Variants in MGST1 observed in about 807,000 individuals in gnomAD.
The protein encoded by MGST1 is glutathione S-transferase 12.
A neutral mutation model predicts 8.9 loss-of-function variants in MGST1; 5 were observed. The ratio of observed to expected loss-of-function variants is 0.56; its 90% CI spans 0.29 to 1.19. MGST1 has a LOEUF of 1.19. Among genes scored for constraint, MGST1 ranks in the 50% most tolerant of loss-of-function variants. The pLI is 0.08. For synonymous variants in MGST1, 54 were observed against 67.8 expected (o/e 0.80, Z 1.00); for missense variants, 182 against 187.4 (o/e 0.97, Z 0.17).
downstream of MGST1, among the ~76,000 whole-genome samples, chr12:16,442,768 G>A (rs893640036): frequency 2.0e-5 from 3 of 151,616 alleles, no homozygotes; most frequent in Non-Finnish European, 4.4e-5. The surrounding 1 kb of genome is among the most constrained non-coding windows in gnomAD (Gnocchi z 4.5). Context: ...TGCTGTGTTG[G>A]CTATTATGGG....
chr12:16,438,570 T>C (rs1016499289), exon 2 of MGST1: 1 of 151,926 alleles, frequency 6.6e-6, no homozygotes, highest in Non-Finnish European at 1.5e-5. Flanking sequence ...TGATGGTTGC[T>C]CATAGAAGGA....
intron 4 of MGST1, among the ~76,000 whole-genome samples, chr12:16,472,293 T>G (rs986832365): frequency 6.6e-6 from 1 of 152,186 alleles, no homozygotes; most frequent in African/African-American, 2.4e-5. Context: ...TAAATTACTG[T>G]CAAATTACAA....
intron 4 of MGST1, among the ~76,000 whole-genome samples, chr12:16,446,244 C>G (rs1428845680): frequency 1.3e-5 from 2 of 151,820 alleles, no homozygotes; most frequent in African/African-American, 4.8e-5. Context: ...TAGAATTATC[C>G]AAACAAATAG....
chr12:16,538,284 A>C (rs1005302416), intron 4 of MGST1, among the ~76,000 whole-genome samples: 7 of 152,070 alleles, frequency 4.6e-5, no homozygotes, highest in African/African-American at 1.7e-4. Flanking sequence ...CCTGGCCCTT[A>C]TTGTTCAAAT....
At chr12:16,353,046 G>C (rs768497418) in intron 1 of MGST1, among the ~76,000 whole-genome samples, 40 of 150,236 alleles carry the variant, frequency 2.7e-4, no homozygotes, top group Admixed American at 1.7e-3. Flanking sequence ...TTTTTTTTTG[G>C]AGGGGGAGAC....
At chr12:16,473,533 A>AT (rs138768692) in intron 4 of MGST1, among the ~76,000 whole-genome samples, 3,301 of 152,234 alleles carry the variant, frequency 0.022, 125 homozygotes, top group African/African-American at 0.075. Context: ...TCTAATAGCC[A>AT]TTTTTTTGTT....
Position 16,586,387 on chromosome 12 carries a change from C to T in MGST1, n.483-3141C>T, listed in dbSNP as rs911410548. On this transcript the variant is annotated intron_variant and non_coding_transcript_variant, in intron 4 of 4. Transcript: ENST00000538857. This position sits in a 1 kb window ranked among gnomAD's most constrained non-coding sequence, Gnocchi z 4.3. The stretch of plus-strand genomic sequence containing the variant: ...CACTGCATGGCTGTGGCAAGGAGAG[C>T]GGAGGATCCTAATCTTCCCCAGCAA... Among the ~76,000 whole-genome samples the T allele has an allele frequency of 3.3e-5, 5 of 152,088 alleles. No homozygotes were observed. Among genetic ancestry groups the T allele is most frequent in the Admixed American group, 6.6e-5 (1 of 15,256 alleles).
intron 1 of MGST1, among the ~76,000 whole-genome samples, chr12:16,435,878 C>T (rs1228905448): frequency 6.6e-6 from 1 of 151,850 alleles, no homozygotes; most frequent in Non-Finnish European, 1.5e-5. Context: ...AGGGGTATTT[C>T]AGGGTAGCCT....
chr12:16,474,283 A>T (rs905049145), intron 4 of MGST1, among the ~76,000 whole-genome samples: 1 of 152,230 alleles, frequency 6.6e-6, no homozygotes, highest in East Asian at 1.9e-4. Context: ...AACATGTAAA[A>T]GTGTGTTTGC....
chr12:16,461,987 A>T (rs1019419025), intron 4 of MGST1, among the ~76,000 whole-genome samples: 9 of 152,114 alleles, frequency 5.9e-5, no homozygotes, highest in Non-Finnish European at 1.0e-4. Context: ...TGATTTGAGG[A>T]TATATGAGAA....
chr12:16,508,016 A>G (rs1482604661), intron 4 of MGST1, among the ~76,000 whole-genome samples: 1 of 152,060 alleles, frequency 6.6e-6, no homozygotes, highest in Non-Finnish European at 1.5e-5. Context: ...CTTTTTTCAT[A>G]TGTGTGTGTA....
chr12:16,363,652 C>A lies in MGST1; in HGVS notation c.222-143C>A. The A allele has an allele frequency of 1.5e-6, 1 of 654,908 alleles. No individual in the cohort carries two copies. Among genetic ancestry groups the A allele is most frequent in the Non-Finnish European group, 2.3e-6 (1 of 430,212 alleles). The allele number at this position is 654,908 out of a possible 1,614,324, so 40.6% of individuals were successfully genotyped here. On this transcript the variant is annotated intron_variant, in intron 3 of 3. Coordinates refer to ENST00000396210, the MANE Select transcript of MGST1 (RefSeq NM_020300.5). This position sits in a 1 kb window ranked among gnomAD's most constrained non-coding sequence, Gnocchi z 4.6. ...AAGTCAAGTGGGCAAGGAAGCAAGA[C>A]AATTTGAGAGAAAAAAAATAAATCT...
chr12:16,591,546 T>G (rs77233488), downstream of MGST1, among the ~76,000 whole-genome samples: 3 of 152,170 alleles, frequency 2.0e-5, no homozygotes, highest in Non-Finnish European at 4.4e-5. The surrounding 1 kb of genome is among the most constrained non-coding windows in gnomAD (Gnocchi z 4.1). Flanking sequence ...TATTTAGTGC[T>G]TATGTCAAGG....
intron 4 of MGST1, among the ~76,000 whole-genome samples, chr12:16,579,291 T>G (rs1943089301): frequency 2.0e-5 from 3 of 152,224 alleles, no homozygotes; most frequent in Admixed American, 6.5e-5. Context: ...CCAAATTTGT[T>G]CAGATAATTA....
Position 16,401,300 on chromosome 12 carries a change from T to C in MGST1, n.778+17696T>C. ...AATCCCAAACTGATGCTGAAAACCA[T>C]TCCTGTCTTCAGTTTGTATTGATTT... On this transcript the variant is annotated intron_variant and non_coding_transcript_variant, in intron 1 of 1. Coordinates refer to the MGST1 transcript ENST00000359720. This position sits in a 1 kb window ranked among gnomAD's most constrained non-coding sequence, Gnocchi z 4.3. 1 of 1,491,476 alleles carries C rather than the reference T, an allele frequency of 6.7e-7. No homozygotes were observed. The highest frequency in any genetic ancestry group is 9.3e-7 in the Non-Finnish European group (1 of 1,071,592). The allele number at this position is 1,491,476 out of a possible 1,614,324, so 92.4% of individuals were successfully genotyped here. A position where few individuals can be genotyped will look rare whatever the true frequency, so the allele number is the denominator to read the frequency against.
chr12:16,412,711 G>A (rs1940752840), intron 1 of MGST1, among the ~76,000 whole-genome samples: 1 of 152,066 alleles, frequency 6.6e-6, no homozygotes, highest in Non-Finnish European at 1.5e-5. Flanking sequence ...TCCCCTACCT[G>A]CCACCATGTG....
downstream of MGST1, among the ~76,000 whole-genome samples, chr12:16,440,960 TAATA>T (rs756075666): frequency 1.3e-4 from 19 of 151,864 alleles, no homozygotes; most frequent in Admixed American, 3.3e-4. Context: ...TGCTTTTCTT[TAATA>T]AATAATAATG....
downstream of MGST1, among the ~76,000 whole-genome samples, chr12:16,364,611 T>C (rs1940151031): frequency 6.6e-6 from 1 of 152,140 alleles, no homozygotes. The surrounding 1 kb of genome is among the most constrained non-coding windows in gnomAD (Gnocchi z 5.7). Flanking sequence ...TCATGACATG[T>C]CACTCTTTAA....
downstream of MGST1, among the ~76,000 whole-genome samples, chr12:16,366,640 C>CACAA (rs1940195142): frequency 4.8e-5 from 2 of 41,768 alleles, no homozygotes; most frequent in Non-Finnish European, 8.9e-5. The surrounding 1 kb of genome is among the most constrained non-coding windows in gnomAD (Gnocchi z 4.0). Flanking sequence ...CACACACACA[C>CACAA]ACACACACAC....
Sources: gnomAD v4.1 joint callset for allele counts (sites outside exome capture counted in the v4.1 genomes callset) on GRCh38, gnomAD v4.1.1 for gene constraint, Gnocchi (gnomAD v3.1) non-coding constraint, MANE v1.5 for transcripts, NCBI Gene and HGNC (gene_info 2026-07-23, HGNC 2026-07-21) for gene names.